INPP4B: variants seen among roughly 807,000 people sequenced by gnomAD.
INPP4B encodes inositol polyphosphate 4-phosphatase type II.
In INPP4B, 55 loss-of-function variants were observed where a neutral mutation model predicts 122.5. The ratio of observed to expected loss-of-function variants is 0.45; its 90% CI spans 0.36 to 0.56. The LOEUF is 0.56. Among genes scored for constraint, INPP4B ranks in the 20% least tolerant of loss-of-function variants. The probability of loss-of-function intolerance (pLI) is 0.00; values close to 1 mark genes in which losing one functional copy is unlikely to be tolerated. For missense variants in INPP4B, 1,000 were observed against 1,097.7 expected, an observed-to-expected ratio of 0.91 and a Z score of 1.26; for synonymous variants, 403 against 388.7, an observed-to-expected ratio of 1.04 and a Z score of -0.43.
intron 7 of INPP4B, among the ~76,000 whole-genome samples, chr4:142,392,568 A>G (rs1798072002): frequency 6.6e-6 from 1 of 152,224 alleles, no homozygotes; most frequent in Admixed American, 6.5e-5. Flanking sequence ...GTTAAAAAGA[A>G]CATTGCCAGG....
At chr4:142,523,746 C>G (rs375951533) in intron 2 of INPP4B, among the ~76,000 whole-genome samples, 279 of 149,696 alleles carry the variant, frequency 1.9e-3, no homozygotes, top group Middle Eastern at 6.8e-3. Context: ...CACGCTGGTG[C>G]GCTGCACCCA....
chr4:142,398,446 A>ATATATAT (rs1491285553), intron 7 of INPP4B, among the ~76,000 whole-genome samples: 2 of 103,320 alleles, frequency 1.9e-5, no homozygotes, highest in African/African-American at 3.4e-5. Flanking sequence ...ATATATATAT[A>ATATATAT]AAACATATTA....
intron 3 of INPP4B, among the ~76,000 whole-genome samples, chr4:142,431,668 G>A (rs547059069): frequency 5.9e-5 from 9 of 152,220 alleles, no homozygotes; most frequent in East Asian, 1.9e-4. Flanking sequence ...AGCTATAGGG[G>A]CTGCTAACTT....
rs74908743 is a variant in INPP4B at position 142,407,184 on chromosome 4, T to C, written c.137-1860A>G. Reference sequence around the variant, plus strand: ...ATATGAATGTGTTTAATTTTATTGCTCATAAAATTCAACTGTTGGTTTTCT... The same window carrying C: ...ATATGAATGTGTTTAATTTTATTGCCCATAAAATTCAACTGTTGGTTTTCT... On this transcript the variant is annotated intron_variant, in intron 5 of 25. Coordinates refer to ENST00000262992, the MANE Select transcript of INPP4B (RefSeq NM_001101669.3). Among the ~76,000 whole-genome samples, 14 of 152,360 alleles carry C rather than the reference T, an allele frequency of 9.2e-5. No individual in the cohort carries two copies. In the East Asian group the frequency reaches 2.7e-3, roughly 29 times the overall value.
rs141014185 is a variant in INPP4B at position 142,419,779 on chromosome 4, A to C, written c.136+9394T>G. 1.4e-3 allele frequency among the ~76,000 whole-genome samples: 213 copies of C among 152,286 alleles called. 1 individual carries two copies. The highest frequency in any genetic ancestry group is 6.8e-3 in the Middle Eastern group (2 of 294). On this transcript the variant is annotated intron_variant, in intron 5 of 25. Transcript: ENST00000262992. ...CATGGCGTGGTCCCCAAGTGACTTAAGATACATTTGGATGCCATCTGCTCA... is the reference window on the plus strand; with the variant it reads ...CATGGCGTGGTCCCCAAGTGACTTACGATACATTTGGATGCCATCTGCTCA...
At chr4:142,269,612 C>A (rs1481154797) in intron 10 of INPP4B, among the ~76,000 whole-genome samples, 1 of 152,002 alleles carries the variant, frequency 6.6e-6, no homozygotes, top group African/African-American at 2.4e-5. Context: ...TACAAGTTTC[C>A]GTTAGCCAGG....
At chr4:142,668,049 C>T (rs1316743194) in intron 2 of INPP4B, among the ~76,000 whole-genome samples, 4 of 152,028 alleles carry the variant, frequency 2.6e-5, no homozygotes, top group African/African-American at 9.7e-5. Context: ...GCCAGCATTA[C>T]CCTGATATCA....
chr4:142,609,479 C>T (rs1305173414), intron 2 of INPP4B, among the ~76,000 whole-genome samples: 1 of 152,044 alleles, frequency 6.6e-6, no homozygotes, highest in Non-Finnish European at 1.5e-5. Flanking sequence ...TTCCCTTTCC[C>T]CTTTTCTCAA....
intron 7 of INPP4B, among the ~76,000 whole-genome samples, chr4:142,330,557 G>GCACA (rs147805476): frequency 6.6e-6 from 1 of 151,752 alleles, no homozygotes; most frequent in Non-Finnish European, 1.5e-5. Context: ...ACACGCGCAC[G>GCACA]CACACACACA....
intron 2 of INPP4B, among the ~76,000 whole-genome samples, chr4:142,530,063 A>C (rs1158930505): frequency 2.6e-5 from 4 of 152,252 alleles, no homozygotes; most frequent in East Asian, 1.9e-4. Flanking sequence ...TTAGTGAATA[A>C]TACTACTGAC....
At chr4:142,674,585 CCAT>C (rs1280644035) in intron 2 of INPP4B, among the ~76,000 whole-genome samples, 1 of 152,098 alleles carries the variant, frequency 6.6e-6, no homozygotes. Flanking sequence ...CTTCTCAGCA[CCAT>C]ATCACACTTA....
chr4:142,609,247 T>A (rs1741969397), intron 2 of INPP4B, among the ~76,000 whole-genome samples: 1 of 151,686 alleles, frequency 6.6e-6, no homozygotes, highest in Non-Finnish European at 1.5e-5. Flanking sequence ...TTTATTGTAA[T>A]TAACACTAAG....
At chr4:142,457,246 C>T (rs139996910) in intron 3 of INPP4B, among the ~76,000 whole-genome samples, 3 of 151,948 alleles carry the variant, frequency 2.0e-5, no homozygotes, top group African/African-American at 4.8e-5. Flanking sequence ...TGACACAAAA[C>T]ATAGTACAGT....
chr4:142,655,398 AC>A (rs1433813023), intron 2 of INPP4B, among the ~76,000 whole-genome samples: 3 of 152,168 alleles, frequency 2.0e-5, no homozygotes, highest in Non-Finnish European at 4.4e-5. Context: ...ATTTCAATGA[AC>A]CAAACTCTTT....
intron 2 of INPP4B, among the ~76,000 whole-genome samples, chr4:142,497,740 C>G (rs1237840891): frequency 6.6e-6 from 1 of 152,142 alleles, no homozygotes; most frequent in Non-Finnish European, 1.5e-5. Context: ...TAATTTTCTC[C>G]TACCAGTATA....
intron 21 of INPP4B, among the ~76,000 whole-genome samples, chr4:142,118,735 C>G (rs1397165485): frequency 1.3e-5 from 2 of 152,110 alleles, no homozygotes; most frequent in East Asian, 3.9e-4. Context: ...TAGGCATGGG[C>G]AAGGACTTCA....
chr4:142,155,693 C>G (rs140009053), intron 17 of INPP4B, among the ~76,000 whole-genome samples: 2 of 152,042 alleles, frequency 1.3e-5, no homozygotes, highest in African/African-American at 4.8e-5. Context: ...GTTAAGCATT[C>G]ACATCTGCTG....
Position 142,389,458 on chromosome 4 carries a change from G to A in INPP4B, c.372+13480C>T, listed in dbSNP as rs147144180. The stretch of plus-strand genomic sequence containing the variant: ...AACTGTAATGCCTTTTAGTTTACGT[G>A]ACTTTTAATCTTTGGGAAATAAGTT... On this transcript the variant is annotated intron_variant, in intron 7 of 25. Coordinates refer to ENST00000262992, the MANE Select transcript of INPP4B (RefSeq NM_001101669.3). Among the ~76,000 whole-genome samples, 387 of 152,246 alleles carry A rather than the reference G, an allele frequency of 2.5e-3. 2 individuals are homozygous for A. The highest frequency in any genetic ancestry group is 8.2e-3 in the African/African-American group (341 of 41,534).
chr4:142,509,206 G>A (rs1028531684), intron 2 of INPP4B, among the ~76,000 whole-genome samples: 19 of 152,146 alleles, frequency 1.2e-4, no homozygotes, highest in African/African-American at 2.4e-4. Context: ...ACTTCCTGAC[G>A]GTAGCAACGT....
Sources: gnomAD v4.1 joint callset for allele counts (sites outside exome capture counted in the v4.1 genomes callset) on GRCh38, gnomAD v4.1.1 for gene constraint, MANE v1.5 for transcripts, NCBI Gene and HGNC (gene_info 2026-07-23, HGNC 2026-07-21) for gene names.